Variants in OCA2 observed in about 807,000 individuals in gnomAD.
OCA2 encodes P protein.
A neutral mutation model predicts 100.2 loss-of-function variants in OCA2; 77 were observed. The observed-to-expected ratio is 0.77, with a 90% CI of 0.64 to 0.93. The LOEUF is 0.93. OCA2 is among the 40% of genes least tolerant of loss of function. The pLI is 0.00. For synonymous variants in OCA2, 432 were observed against 439.2 expected (o/e 0.98, Z 0.21); for missense variants, 1,062 against 1,089.1 (o/e 0.98, Z 0.35).
At chr15:27,828,549 C>G (rs2034823189) in intron 23 of OCA2, among the ~76,000 whole-genome samples, 1 of 152,184 alleles carries the variant, frequency 6.6e-6, no homozygotes, top group South Asian at 2.1e-4. Flanking sequence ...CTCAAACTCT[C>G]AGCTGTTCTT....
At chr15:27,781,411 C>CGGTT (rs2032533581) in intron 23 of OCA2, among the ~76,000 whole-genome samples, 1 of 152,142 alleles carries the variant, frequency 6.6e-6, no homozygotes, top group Non-Finnish European at 1.5e-5. Flanking sequence ...CAAAGCAAAC[C>CGGTT]ATCCCAGCAC....
chr15:27,739,029 T>C, the OCA2 span, among the ~76,000 whole-genome samples: 1 of 152,146 alleles, frequency 6.6e-6, no homozygotes, highest in Non-Finnish European at 1.5e-5. Flanking sequence ...TGTCTGAGGT[T>C]GACTCAGTGG....
At chr15:28,085,404 G>A (rs550408551) in intron 1 of OCA2, among the ~76,000 whole-genome samples, 79 of 152,220 alleles carry the variant, frequency 5.2e-4, no homozygotes, top group African/African-American at 1.9e-3. Flanking sequence ...CCAAAGAAGA[G>A]TGGGGCATCC....
At chr15:27,815,288 G>C (rs1175992018) in intron 23 of OCA2, among the ~76,000 whole-genome samples, 1 of 152,186 alleles carries the variant, frequency 6.6e-6, no homozygotes, top group East Asian at 1.9e-4. Context: ...AGGAACAGAG[G>C]GAAGGGGCTC....
chr15:27,877,903 T>C (rs2036856495), intron 19 of OCA2, among the ~76,000 whole-genome samples: 1 of 151,804 alleles, frequency 6.6e-6, no homozygotes, highest in African/African-American at 2.4e-5. Flanking sequence ...TCTTTTTTTA[T>C]TCATTTCTGT....
At chr15:27,838,883 A>G (rs1192845791) in intron 23 of OCA2, among the ~76,000 whole-genome samples, 5 of 152,208 alleles carry the variant, frequency 3.3e-5, no homozygotes, top group Non-Finnish European at 1.5e-5. Flanking sequence ...TTGGGCTCTC[A>G]AAGATTAGCT....
intron 15 of OCA2, among the ~76,000 whole-genome samples, chr15:27,964,280 A>C (rs1382434938): frequency 6.6e-6 from 1 of 152,270 alleles, no homozygotes; most frequent in African/African-American, 2.4e-5. Context: ...AGGAAACTAC[A>C]ATCAAGATCC....
At chr15:27,914,150 C>T (rs950762629) in intron 19 of OCA2, among the ~76,000 whole-genome samples, 1 of 151,948 alleles carries the variant, frequency 6.6e-6, no homozygotes, top group African/African-American at 2.4e-5. Context: ...TGATCATCGC[C>T]ATAGATGCAG....
intron 19 of OCA2, among the ~76,000 whole-genome samples, chr15:27,873,852 C>T (rs368782559): frequency 2.6e-4 from 39 of 152,236 alleles, no homozygotes; most frequent in African/African-American, 9.4e-4. Flanking sequence ...TAGCACATCC[C>T]TATCTATCAA....
At chr15:28,019,163 G>A (rs1456345587) in intron 6 of OCA2, among the ~76,000 whole-genome samples, 5 of 152,078 alleles carry the variant, frequency 3.3e-5, no homozygotes, top group East Asian at 3.9e-4. Context: ...AGGATGCAGC[G>A]CTGGGTGTGA....
chr15:28,033,994 A>G (rs1228084090), intron 2 of OCA2, among the ~76,000 whole-genome samples: 4 of 152,100 alleles, frequency 2.6e-5, no homozygotes, highest in African/African-American at 9.7e-5. Context: ...CAGTCATGCA[A>G]TGTAGATTAA....
chr15:27,812,920 C>T (rs1272096327), intron 23 of OCA2, among the ~76,000 whole-genome samples: 1 of 152,150 alleles, frequency 6.6e-6, no homozygotes, highest in Non-Finnish European at 1.5e-5. Flanking sequence ...CCATCACAGA[C>T]CTCCTTTCCT....
chr15:27,796,753 T>C (rs2033357792), intron 23 of OCA2, among the ~76,000 whole-genome samples: 1 of 152,166 alleles, frequency 6.6e-6, no homozygotes, highest in Non-Finnish European at 1.5e-5. Flanking sequence ...GCAAACACCA[T>C]CAGCAGCAAC....
intron 1 of OCA2, among the ~76,000 whole-genome samples, chr15:28,088,442 T>C (rs954852522): frequency 2.0e-5 from 3 of 152,236 alleles, no homozygotes; most frequent in Admixed American, 6.5e-5. Context: ...ATATATACTT[T>C]AATACCTAGA....
chr15:27,753,998 G>A (rs1364462596), downstream of OCA2, among the ~76,000 whole-genome samples: 1 of 152,004 alleles, frequency 6.6e-6, no homozygotes, highest in East Asian at 1.9e-4. Flanking sequence ...CCGGCTCAGG[G>A]ATATCCAGGT....
chr15:27,839,758 G>A (rs1188227117), intron 23 of OCA2, among the ~76,000 whole-genome samples: 1 of 152,096 alleles, frequency 6.6e-6, no homozygotes, highest in Non-Finnish European at 1.5e-5. Flanking sequence ...AGATTTAGTG[G>A]ACAAAAAATA....
At chr15:28,082,873 A>G (rs1595930092) in intron 1 of OCA2, among the ~76,000 whole-genome samples, 1 of 152,196 alleles carries the variant, frequency 6.6e-6, no homozygotes, top group African/African-American at 2.4e-5. Flanking sequence ...AACTATTCCT[A>G]TACCTCTAAA....
At chr15:27,879,595 C>T (rs1283488635) in intron 19 of OCA2, among the ~76,000 whole-genome samples, 2 of 152,042 alleles carry the variant, frequency 1.3e-5, no homozygotes, top group Non-Finnish European at 2.9e-5. Context: ...ATTTCTTTAA[C>T]GATTAGTGAT....
intron 23 of OCA2, among the ~76,000 whole-genome samples, chr15:27,807,916 C>T (rs1022388108): frequency 6.6e-6 from 1 of 152,204 alleles, no homozygotes; most frequent in African/African-American, 2.4e-5. Flanking sequence ...TCCACGAGGG[C>T]AGGGCTAGAG....
Sources: allele counts gnomAD v4.1 joint callset (sites outside exome capture counted in the v4.1 genomes callset), GRCh38; gene constraint gnomAD v4.1.1; transcripts MANE v1.5; gene names NCBI Gene and HGNC (gene_info 2026-07-23, HGNC 2026-07-21).